RIMBP2: variants seen among roughly 807,000 people sequenced by gnomAD.
RIMBP2 encodes the protein RIMS-binding protein 2.
Under a neutral mutation model 118.6 loss-of-function variants are expected in RIMBP2, and 48 were observed. That is an observed-to-expected ratio of 0.40 (90% confidence interval 0.32 to 0.51). RIMBP2 has a LOEUF of 0.51. RIMBP2 is among the 20% of genes least tolerant of loss of function. The probability of loss-of-function intolerance (pLI) is 0.41; values close to 1 mark genes in which losing one functional copy is unlikely to be tolerated. For missense variants in RIMBP2, 1,551 were observed against 1,768.3 expected (o/e 0.88, Z 2.20); for synonymous variants, 762 against 742.9 (o/e 1.03, Z -0.42).
At chr12:130,535,287 C>T (rs2053887810) in intron 2 of RIMBP2, among the ~76,000 whole-genome samples, 1 of 152,016 alleles carries the variant, frequency 6.6e-6, no homozygotes. Flanking sequence ...TCACATAAGG[C>T]CAGGAGTTTG....
intron 1 of RIMBP2, among the ~76,000 whole-genome samples, chr12:130,646,888 C>T (rs573322644): frequency 2.6e-5 from 4 of 152,346 alleles, no homozygotes; most frequent in African/African-American, 4.8e-5. Context: ...TGGGTGAGGA[C>T]GCCCAGCAGC....
chr12:130,634,549 C>T (rs372092347), intron 1 of RIMBP2, among the ~76,000 whole-genome samples: 3 of 151,976 alleles, frequency 2.0e-5, no homozygotes, highest in African/African-American at 7.3e-5. Context: ...TGGTCCAGCA[C>T]GTCACATCAT....
intron 1 of RIMBP2, among the ~76,000 whole-genome samples, chr12:130,689,515 G>A (rs549468119): frequency 8.3e-4 from 126 of 152,240 alleles, no homozygotes; most frequent in Non-Finnish European, 1.1e-3. Context: ...CTGCAGGCCC[G>A]AGAAAAAGGA....
At position 130,447,023 on chromosome 12, in the gene RIMBP2, G is replaced by A. The variant is rs184451570; in HGVS notation, c.582-1754C>T. On this transcript the variant is annotated intron_variant, in intron 9 of 22. Transcript: ENST00000690449. The surrounding 1 kb of genome is among the most constrained non-coding windows in gnomAD (Gnocchi z 4.4). ...GGGTTTTCAGGGGGATCTGCAGGGG[G>A]GTCTGGATGGGTAGATGGCCGAGAC... 6.6e-6 allele frequency among the ~76,000 whole-genome samples: 1 copy of A among 151,298 alleles called. No homozygotes were observed. Among genetic ancestry groups the A allele is most frequent in the East Asian group, 2.0e-4 (1 of 5,122 alleles).
chr12:130,554,989 G>A (rs753083684), intron 2 of RIMBP2, among the ~76,000 whole-genome samples: 10 of 152,202 alleles, frequency 6.6e-5, no homozygotes, highest in Non-Finnish European at 1.2e-4. Context: ...TCACTTATGT[G>A]CTGTTCTAAA....
At chr12:130,479,081 C>T in intron 4 of RIMBP2, 65 bp from the exon 5 acceptor site, 2 of 1,329,860 alleles carry the variant, frequency 1.5e-6, no homozygotes, top group South Asian at 2.7e-5. Context: ...GCATCCTATA[C>T]CCTGCACCAA....
intron 19 of RIMBP2, among the ~76,000 whole-genome samples, chr12:130,411,046 A>C (rs1383961581): frequency 6.6e-6 from 1 of 152,198 alleles, no homozygotes; most frequent in Non-Finnish European, 1.5e-5. Flanking sequence ...TTTTCGGCAT[A>C]CAAATACTGC....
chr12:130,531,480 C>T (rs1009540668), intron 2 of RIMBP2, among the ~76,000 whole-genome samples: 7 of 152,214 alleles, frequency 4.6e-5, no homozygotes, highest in African/African-American at 1.4e-4. Context: ...ATCTAGGACG[C>T]ACCCACATCT....
At position 130,434,725 on chromosome 12, in the gene RIMBP2, C is replaced by G. The variant is rs568161547; in HGVS notation, c.2253+9G>C. 6.2e-7 allele frequency: 1 copy of G among 1,611,016 alleles called. No homozygotes were observed. The highest frequency in any genetic ancestry group is 8.5e-7 in the Non-Finnish European group (1 of 1,179,410). ...CAGGAGGATGGTGTGGGGCCCGGCC[C>G]GCTCTCACCTGCTTGCCAAGTTCAG... On this transcript the variant is annotated intron_variant, in intron 14 of 22. Transcript: ENST00000690449. This position sits in a 1 kb window ranked among gnomAD's most constrained non-coding sequence, Gnocchi z 5.7.
intron 2 of RIMBP2, among the ~76,000 whole-genome samples, chr12:130,626,861 C>G (rs1249404317): frequency 1.3e-5 from 2 of 151,414 alleles, no homozygotes; most frequent in Non-Finnish European, 2.9e-5. Context: ...TCAGTCATCA[C>G]CATCATCTTC....
chr12:130,428,355 G>C lies in RIMBP2; in HGVS notation c.2254-18C>G. 1 of 1,595,534 alleles carries C rather than the reference G, an allele frequency of 6.3e-7. No individual in the cohort carries two copies. The highest frequency in any genetic ancestry group is 8.5e-7 in the Non-Finnish European group (1 of 1,169,922). ...CAGTGCGGCTGGGGGCCAAGAAAAG[G>C]GGCTACTGAGCGGGTGGCTCCTCCC... On this transcript the variant is annotated intron_variant, in intron 14 of 22. Coordinates refer to ENST00000690449, the MANE Select transcript of RIMBP2 (RefSeq NM_001393629.1).
intron 16 of RIMBP2, among the ~76,000 whole-genome samples, chr12:130,423,690 TC>T (rs1566007878): frequency 1.8e-5 from 2 of 113,798 alleles, no homozygotes; most frequent in Non-Finnish European, 1.8e-5. Flanking sequence ...ATTTCTTCAA[TC>T]TTTTTTTTTT....
intron 4 of RIMBP2, among the ~76,000 whole-genome samples, chr12:130,498,326 A>C (rs1164013314): frequency 1.3e-5 from 2 of 152,256 alleles, no homozygotes; most frequent in African/African-American, 4.8e-5. Flanking sequence ...TCATGCGTGC[A>C]CTTGCTCCGT....
At chr12:130,521,780 G>A (rs2052153379) in intron 2 of RIMBP2, among the ~76,000 whole-genome samples, 1 of 152,230 alleles carries the variant, frequency 6.6e-6, no homozygotes, top group African/African-American at 2.4e-5. Flanking sequence ...TGTGAAAAGA[G>A]AAAACCCAGC....
At chr12:130,499,729 A>G (rs1274887673) in intron 4 of RIMBP2, among the ~76,000 whole-genome samples, 2 of 152,042 alleles carry the variant, frequency 1.3e-5, no homozygotes, top group African/African-American at 2.4e-5. Context: ...GGTCTCCCCA[A>G]CCACTAAATG....
intron 1 of RIMBP2, among the ~76,000 whole-genome samples, chr12:130,708,167 G>A (rs77651269): frequency 0.016 from 2,462 of 152,240 alleles, 74 homozygotes; most frequent in African/African-American, 0.056. Flanking sequence ...TTCTGTTCAC[G>A]TAAGATGTCC....
rs1949846560 is a variant in RIMBP2, at chr12:130,710,625, G to A, written c.-352+5597C>T. 6.6e-6 allele frequency among the ~76,000 whole-genome samples: 1 copy of A among 152,132 alleles called. No individual in the cohort carries two copies. Among genetic ancestry groups the A allele is most frequent in the South Asian group, 2.1e-4 (1 of 4,822 alleles). On this transcript the variant is annotated intron_variant, in intron 1 of 22. Coordinates refer to ENST00000690449, the MANE Select transcript of RIMBP2 (RefSeq NM_001393629.1). This position sits in a 1 kb window ranked among gnomAD's most constrained non-coding sequence, Gnocchi z 4.3. ...CCTTCCTGGGTCCCACACAGATAGA[G>A]AAGTGGCAGGTGCTGCACCTCCCCC...
At chr12:130,411,969 A>C (rs2075754334) in intron 19 of RIMBP2, among the ~76,000 whole-genome samples, 1 of 152,182 alleles carries the variant, frequency 6.6e-6, no homozygotes. Flanking sequence ...TAAAACTGAT[A>C]TCTCTCTACA....
chr12:130,427,067 C>A (rs2076839881), intron 15 of RIMBP2: 1 of 152,286 alleles, frequency 6.6e-6, no homozygotes, highest in Non-Finnish European at 1.5e-5. Context: ...CTGGCATGTT[C>A]TTTGGTGACA....
Sources: gnomAD v4.1 joint callset for allele counts (sites outside exome capture counted in the v4.1 genomes callset) on GRCh38, gnomAD v4.1.1 for gene constraint, Gnocchi (gnomAD v3.1) non-coding constraint, MANE v1.5 for transcripts, NCBI Gene and HGNC (gene_info 2026-07-23, HGNC 2026-07-21) for gene names.